The following XCR1 variants were observed in gnomAD, a reference collection of about 807,000 sequenced individuals.
XCR1 encodes X-C motif chemokine receptor 1.
For synonymous variants in XCR1, 187 were observed against 188.5 expected (o/e 0.99, Z 0.06); for missense variants, 356 against 424.2 (o/e 0.84, Z 1.41).
At chr3:46,051,218 T>C (rs1697737956) in intron 5 of XCR1, among the ~76,000 whole-genome samples, 1 of 152,232 alleles carries the variant, frequency 6.6e-6, no homozygotes, top group Non-Finnish European at 1.5e-5. Flanking sequence ...CCTTTTCCAC[T>C]CTGATATCTC....
At chr3:46,063,750 T>C (rs1194510392) in intron 4 of XCR1, among the ~76,000 whole-genome samples, 1 of 152,204 alleles carries the variant, frequency 6.6e-6, no homozygotes, top group Non-Finnish European at 1.5e-5. Context: ...CTTCCCCTAG[T>C]TCATTACTTC....
intron 1 of XCR1, chr3:46,023,672 G>A (rs1352944611): frequency 2.8e-6 from 4 of 1,438,098 alleles, no homozygotes; most frequent in South Asian, 2.4e-5. Flanking sequence ...TCAGAGAAAC[G>A]CCTGCTTGAG....
At position 46,021,414 on chromosome 3, in the gene XCR1, G is replaced by T; in HGVS notation, c.534C>A (p.Ser178=). ...HKVLSSGCDY[S]ELTWYLTSVY... ...CGGAGGTGAGGTACCACGTGAGTTCGGAATAATCACAGCCCGAAGAAAGCA... is the reference window on the plus strand; with the variant it reads ...CGGAGGTGAGGTACCACGTGAGTTCTGAATAATCACAGCCCGAAGAAAGCA... The change falls in exon 2 of 2, where the codon TCC becomes TCA. Residue 178 remains serine (S), a synonymous_variant. Transcript: ENST00000309285. The surrounding 1 kb of genome is among the most constrained non-coding windows in gnomAD (Gnocchi z 4.7). 6.2e-7 allele frequency: 1 copy of T among 1,614,146 alleles called. No homozygotes were observed. Among genetic ancestry groups the T allele is most frequent in the Admixed American group, 1.7e-5 (1 of 60,024 alleles).
In XCR1 at chr3:46,019,426, G is replaced by A. The variant is rs1289460047; in HGVS notation, c.*1520C>T. 1 of 152,212 alleles carries A rather than the reference G, an allele frequency of 6.6e-6. No individual in the cohort carries two copies. Among genetic ancestry groups the A allele is most frequent in the Admixed American group, 6.5e-5 (1 of 15,286 alleles). 9.4% of individuals were successfully genotyped at this position (152,212 alleles called of 1,614,324 possible). A position where few individuals can be genotyped will look rare whatever the true frequency, so the allele number is the denominator to read the frequency against. On this transcript the variant is annotated 3_prime_UTR_variant, in exon 2 of 2. Coordinates refer to ENST00000309285, the MANE Select transcript of XCR1 (RefSeq NM_001024644.2). ...GGCAGGGAGATAAGACATTGCATGT[G>A]TGTAACTACAACACAAGGTTGTTTT...
intron 1 of XCR1, chr3:46,024,236 A>C: frequency 2.3e-5 from 8 of 343,524 alleles, no homozygotes; most frequent in South Asian, 7.6e-5. Flanking sequence ...AAAAAATGAA[A>C]AGGGAAAACC....
At chr3:46,058,709 G>A (rs2173639) in intron 4 of XCR1, among the ~76,000 whole-genome samples, 47,029 of 151,878 alleles carry the variant, frequency 0.31, 9,105 homozygotes, top group African/African-American at 0.55. Context: ...GACTATAGAC[G>A]GGTGCCACCA....
chr3:46,085,532 C>G (rs944692706), intron 1 of XCR1, among the ~76,000 whole-genome samples: 2 of 152,226 alleles, frequency 1.3e-5, no homozygotes, highest in African/African-American at 2.4e-5. Context: ...CTCCCCTTCA[C>G]AGCAAATTTC....
Position 46,021,832 on chromosome 3 carries a change from C to G in XCR1, c.116G>C (p.Cys39Ser). 6.2e-7 allele frequency: 1 copy of G among 1,614,062 alleles called. No individual in the cohort carries two copies. The highest frequency in any genetic ancestry group is 8.5e-7 in the Non-Finnish European group (1 of 1,180,010). Residue 39 changes from cysteine to serine, a missense_variant, in exon 2 of 2, where the codon TGC becomes TCC. Coordinates refer to ENST00000309285, the MANE Select transcript of XCR1 (RefSeq NM_001024644.2). The surrounding 1 kb of genome is among the most constrained non-coding windows in gnomAD (Gnocchi z 4.7). Reference protein sequence around the residue: ...FATLATTVLYCLVFLLSLVGN... With the variant: ...FATLATTVLYSLVFLLSLVGN... The stretch of plus-strand genomic sequence containing the variant: ...CACTAGGCTGAGGAGAAACACCAGG[C>G]AGTATAGGACAGTGGTGGCGAGGGT...
Position 46,045,254 on chromosome 3 carries a change from A to G in XCR1, c.-32+8666T>C, listed in dbSNP as rs895248633. 2.0e-5 allele frequency among the ~76,000 whole-genome samples: 3 copies of G among 152,190 alleles called. No individual in the cohort carries two copies. The East Asian group carries it at 5.8e-4, about 29-fold the overall frequency. On this transcript the variant is annotated intron_variant, in intron 5 of 5. Coordinates refer to the XCR1 transcript ENST00000683768. ...GCCCAGATGGTGAAACCTCGTCTCT[A>G]CCAAAAATACAAAAAAAAATTGGTG...
chr3:46,018,492 T>A lies in XCR1; in HGVS notation c.*2454A>T, dbSNP rs1042157803. ...AACTAGAAGCCCATAGGCTTAGCTC[T>A]GATACCACAAACTACCTCATTATCT... is the stretch of plus-strand genomic sequence containing the variant. On this transcript the variant is annotated 3_prime_UTR_variant, in exon 2 of 2. Coordinates refer to ENST00000309285, the MANE Select transcript of XCR1 (RefSeq NM_001024644.2). 1 of 152,246 alleles carries A rather than the reference T, an allele frequency of 6.6e-6. No individual in the cohort carries two copies. The highest frequency in any genetic ancestry group is 6.5e-5 in the Admixed American group (1 of 15,288). The allele number at this position is 152,246 out of a possible 1,614,324, so 9.4% of individuals were successfully genotyped here. A position where few individuals can be genotyped will look rare whatever the true frequency, so the allele number is the denominator to read the frequency against.
intron 2 of XCR1, among the ~76,000 whole-genome samples, chr3:46,076,443 A>G (rs896868215): frequency 2.0e-5 from 3 of 152,100 alleles, no homozygotes; most frequent in Admixed American, 6.5e-5. Flanking sequence ...AAAATTATTA[A>G]TATATTTTGT....
At chr3:46,075,274 C>A (rs1479123294) in intron 2 of XCR1, among the ~76,000 whole-genome samples, 2 of 91,622 alleles carry the variant, frequency 2.2e-5, no homozygotes, top group Non-Finnish European at 2.0e-5. Flanking sequence ...GTCTTTTCAA[C>A]AAATAGTGCT....
intron 3 of XCR1, among the ~76,000 whole-genome samples, chr3:46,073,093 T>C (rs1698189554): frequency 1.3e-5 from 2 of 152,292 alleles, no homozygotes; most frequent in South Asian, 4.1e-4. Context: ...ATTGGAACCA[T>C]ATCTCTCACC....
In XCR1 at chr3:46,021,866, C is replaced by T. The variant is rs1708161397; in HGVS notation, c.82G>A (p.Val28Ile). Residue 28 changes from valine (V) to isoleucine (I), a missense_variant, in exon 2 of 2, where the codon GTC (valine) becomes ATC (isoleucine). Physicochemically the swap from Val to Ile is conservative, Grantham distance 29. Transcript: ENST00000309285. This position sits in a 1 kb window ranked among gnomAD's most constrained non-coding sequence, Gnocchi z 4.7. ...QSQPCENQAW[V>I]FATLATTVLY... ...ACAGTGGTGGCGAGGGTAGCAAAGA[C>T]CCAGGCCTGGTTCTCACACGGCTGG... 6.2e-7 allele frequency: 1 copy of T among 1,613,940 alleles called. No individual in the cohort carries two copies. Among genetic ancestry groups the T allele is most frequent in the Non-Finnish European group, 8.5e-7 (1 of 1,180,016 alleles).
intron 2 of XCR1, among the ~76,000 whole-genome samples, chr3:46,074,818 TG>T (rs1322691051): frequency 1.3e-5 from 2 of 152,126 alleles, no homozygotes; most frequent in African/African-American, 2.4e-5. Flanking sequence ...TTTAAACCCA[TG>T]TTGTTCAAGA....
Position 46,018,830 on chromosome 3 carries a change from T to G in XCR1, c.*2116A>C, listed in dbSNP as rs1162743503. The stretch of plus-strand genomic sequence containing the variant: ...CTTTATTCAATAACAAGATATTGAG[T>G]GTCTTCTGTGTGCAAATCCCTGCTC... On this transcript the variant is annotated 3_prime_UTR_variant, in exon 2 of 2. Transcript: ENST00000309285. 6.6e-6 allele frequency: 1 copy of G among 152,206 alleles called. No homozygotes were observed. The highest frequency in any genetic ancestry group is 2.4e-5 in the African/African-American group (1 of 41,452). The allele number at this position is 152,206 out of a possible 1,614,324, so 9.4% of individuals were successfully genotyped here.
intron 5 of XCR1, among the ~76,000 whole-genome samples, chr3:46,035,982 C>T (rs1174835646): frequency 5.3e-5 from 8 of 151,972 alleles, no homozygotes; most frequent in Non-Finnish European, 7.4e-5. Context: ...GGAAGGACCC[C>T]GGCTGTTTCA....
At chr3:46,033,039 A>T (rs1315728715) in intron 5 of XCR1, among the ~76,000 whole-genome samples, 7 of 151,434 alleles carry the variant, frequency 4.6e-5, no homozygotes, top group Admixed American at 3.3e-4. Flanking sequence ...TATATCCAAA[A>T]TTTTTTTCAA....
chr3:46,039,872 G>A (rs1697508080), intron 5 of XCR1, among the ~76,000 whole-genome samples: 1 of 152,194 alleles, frequency 6.6e-6, no homozygotes, highest in South Asian at 2.1e-4. Flanking sequence ...GTCTGGGCCA[G>A]TGTGTCAGAA....
Sources: allele counts gnomAD v4.1 joint callset (sites outside exome capture counted in the v4.1 genomes callset), GRCh38; gene constraint gnomAD v4.1.1; non-coding constraint Gnocchi (gnomAD v3.1); transcripts MANE v1.5; gene names NCBI Gene and HGNC (gene_info 2026-07-23, HGNC 2026-07-21).